DOP1B: variants seen among roughly 807,000 people sequenced by gnomAD.
The protein encoded by DOP1B is protein DOP1B.
Under a neutral mutation model 233.5 loss-of-function variants are expected in DOP1B, and 174 were observed. The observed-to-expected ratio is 0.75, with a 90% CI of 0.66 to 0.85. The LOEUF is 0.85. Among genes scored for constraint, DOP1B ranks in the 40% least tolerant of loss-of-function variants. The pLI, the probability that DOP1B is intolerant of heterozygous loss-of-function variation, is 0.00. For synonymous variants in DOP1B, 1,190 were observed against 1,185.6 expected (o/e 1.00, Z -0.08); for missense variants, 2,652 against 2,846.6 (o/e 0.93, Z 1.56).
intron 2 of DOP1B, among the ~76,000 whole-genome samples, chr21:36,176,121 T>TGTGTGTGTGTGTGTGTGTGTGTGG (rs962494737): frequency 2.6e-5 from 4 of 151,882 alleles, no homozygotes; most frequent in Admixed American, 1.3e-4. Context: ...TGTGTGTGTG[T>TGTGTGTGTGTGTGTGTGTGTGTGG]GGTGATACAG....
Position 36,246,338 on chromosome 21 carries a change from A to G in DOP1B, c.4358A>G (p.His1453Arg), listed in dbSNP as rs2066964588. The change falls in exon 19 of 37, where the codon CAC becomes CGC. Residue 1453 changes from histidine (H) to arginine (R), a missense_variant. His to Arg is a conservative substitution (Grantham distance 29). Transcript: ENST00000691173. The surrounding 1 kb of genome is among the most constrained non-coding windows in gnomAD (Gnocchi z 5.1). Reference sequence around the variant, plus strand: ...CTGCAGGTGCTGATTGTCTTGGAACACCACCTGGGTCGGGCCCATGAGGAG... The same window carrying G: ...CTGCAGGTGCTGATTGTCTTGGAACGCCACCTGGGTCGGGCCCATGAGGAG... Reference protein sequence around the residue: ...KLLQVLIVLEHHLGRAHEEAE... With the variant: ...KLLQVLIVLERHLGRAHEEAE... The G allele has an allele frequency of 1.2e-6, 2 of 1,613,674 alleles. No homozygotes were observed. Among genetic ancestry groups the G allele is most frequent in the East Asian group, 2.2e-5 (1 of 44,880 alleles).
At chr21:36,182,462 GCT>G (rs2066110927) in intron 2 of DOP1B, among the ~76,000 whole-genome samples, 1 of 152,138 alleles carries the variant, frequency 6.6e-6, no homozygotes, top group African/African-American at 2.4e-5. Context: ...CTGCAGGGTG[GCT>G]TCTGGAAAGG....
At chr21:36,253,480 G>A (rs1032764959) in intron 22 of DOP1B, among the ~76,000 whole-genome samples, 13 of 152,080 alleles carry the variant, frequency 8.5e-5, no homozygotes, top group African/African-American at 2.2e-4. Context: ...TTGGAAGACC[G>A]AGGCGGGCAG....
chr21:36,212,954 G>A (rs972121365), intron 7 of DOP1B, among the ~76,000 whole-genome samples: 15 of 152,158 alleles, frequency 9.9e-5, no homozygotes, highest in Admixed American at 7.9e-4. Context: ...GGTAATTTTT[G>A]TATTTTTAGT....
Position 36,178,687 on chromosome 21 carries a change from A to G in DOP1B, c.138+13816A>G, listed in dbSNP as rs550375563. ...GAACTAAGTTAAACTTGTATTTTTC[A>G]GAAAAAAAGCAACTGTTTGAACAGG... On this transcript the variant is annotated intron_variant, in intron 2 of 36. Transcript: ENST00000691173. 2.0e-5 allele frequency among the ~76,000 whole-genome samples: 3 copies of G among 152,342 alleles called. No homozygotes were observed. In the South Asian group the frequency reaches 6.2e-4, roughly 32 times the overall value.
intron 2 of DOP1B, among the ~76,000 whole-genome samples, chr21:36,166,280 CA>C (rs1375323009): frequency 1.1e-3 from 161 of 151,582 alleles, no homozygotes; most frequent in African/African-American, 3.6e-3. Flanking sequence ...ACTAAAAATA[CA>C]AAAAAATTAG....
At chr21:36,222,792 G>A (rs2066641155) in intron 10 of DOP1B, among the ~76,000 whole-genome samples, 1 of 151,806 alleles carries the variant, frequency 6.6e-6, no homozygotes, top group Non-Finnish European at 1.5e-5. Context: ...CTGGAGTGCA[G>A]TGGCTCAATC....
chr21:36,279,315 G>A (rs537815886), intron 30 of DOP1B, among the ~76,000 whole-genome samples: 17 of 152,122 alleles, frequency 1.1e-4, no homozygotes, highest in Non-Finnish European at 2.4e-4. Context: ...CTACATGGAA[G>A]CCTGAGGCAG....
intron 2 of DOP1B, among the ~76,000 whole-genome samples, chr21:36,178,037 G>A (rs777894534): frequency 7.9e-5 from 12 of 152,208 alleles, no homozygotes; most frequent in Non-Finnish European, 1.3e-4. Context: ...TGTGGAAGGT[G>A]CTGTGGACTG....
chr21:36,230,985 A>C lies in DOP1B; in HGVS notation c.2201A>C (p.Lys734Thr). ...AACGGGGGAGAATGGGATGTTGAGA[A>C]GGTGGTCATTGACCTGGGGGGTTCC... ...RKNGGEWDVEKVVIDLGGSRE... is the reference protein window; with the variant it reads ...RKNGGEWDVETVVIDLGGSRE... Residue 734 changes from lysine to threonine, a missense_variant, in exon 14 of 37, where the codon AAG (lysine) becomes ACG (threonine). Physicochemically the swap from Lys to Thr is moderately conservative, Grantham distance 78. This residue lies in a region of DOP1B where 2,617 missense variants were observed against 2,794.3 expected (regional missense o/e 0.94). Coordinates refer to ENST00000691173, the MANE Select transcript of DOP1B (RefSeq NM_001320714.2). The C allele has an allele frequency of 6.2e-7, 1 of 1,614,144 alleles. No individual in the cohort carries two copies.
rs552433058 is a variant in DOP1B at position 36,195,098 on chromosome 21, T to C, written c.139-3972T>C. On this transcript the variant is annotated intron_variant, in intron 2 of 36. Coordinates refer to ENST00000691173, the MANE Select transcript of DOP1B (RefSeq NM_001320714.2). ...GCTCATGCCTGTAATCCCAGCACTT[T>C]GGGAGGCCAAGGCAGGTAGATCACT... Among the ~76,000 whole-genome samples the C allele has an allele frequency of 7.2e-5, 11 of 152,246 alleles. No homozygotes were observed. In the East Asian group the frequency reaches 1.4e-3, roughly 19 times the overall value.
intron 27 of DOP1B, among the ~76,000 whole-genome samples, chr21:36,272,099 A>G (rs2067295422): frequency 6.6e-6 from 1 of 152,200 alleles, no homozygotes; most frequent in Non-Finnish European, 1.5e-5. Context: ...ATACAGGAAC[A>G]AGAAACTACA....
At position 36,246,609 on chromosome 21, in the gene DOP1B, C is replaced by G. The variant is rs964587917; in HGVS notation, c.4629C>G (p.Val1543=). Residue 1543 remains valine (V), a synonymous_variant, in exon 19 of 37, where the codon GTC becomes GTG. Transcript: ENST00000691173. This position sits in a 1 kb window ranked among gnomAD's most constrained non-coding sequence, Gnocchi z 5.1. The part of the protein sequence containing the change: ...SLGWTVTPFV[V]QICKNLDDLV... ...GCTGGACGGTGACACCCTTTGTTGT[C>G]CAGATTTGCAAAAACTTGGATGACT... 42 of 1,613,972 alleles carry G rather than the reference C, an allele frequency of 2.6e-5. No individual in the cohort carries two copies. The highest frequency in any genetic ancestry group is 3.4e-5 in the Non-Finnish European group (40 of 1,180,038).
intron 1 of DOP1B, among the ~76,000 whole-genome samples, chr21:36,158,791 G>A (rs1228492856): frequency 8.2e-6 from 1 of 122,446 alleles, no homozygotes; most frequent in Non-Finnish European, 1.7e-5. Flanking sequence ...GACAGAGCGA[G>A]ACTCTTGTCT....
At chr21:36,240,754 A>C (rs911599571) in intron 18 of DOP1B, among the ~76,000 whole-genome samples, 1 of 152,208 alleles carries the variant, frequency 6.6e-6, no homozygotes, top group Non-Finnish European at 1.5e-5. Flanking sequence ...TTAATATCTA[A>C]TGCATTTTAT....
chr21:36,284,284 T>TTTTTC (rs1414065235), intron 32 of DOP1B, among the ~76,000 whole-genome samples: 1 of 134,996 alleles, frequency 7.4e-6, no homozygotes. Context: ...TTTTTTTTTT[T>TTTTTC]TTTTGAGACG....
At chr21:36,263,961 T>C in intron 26 of DOP1B, 147 bp downstream of exon 26, 1 of 856,882 alleles carries the variant, frequency 1.2e-6, no homozygotes. Flanking sequence ...ACTTCTGCCA[T>C]CACTGTCTCT....
chr21:36,231,119 C>G lies in DOP1B; in HGVS notation c.2335C>G (p.Leu779Val), dbSNP rs2066760093. The change falls in exon 14 of 37, where the codon CTC becomes GTC. Residue 779 changes from leucine (L) to valine (V), a missense_variant. Physicochemically the swap from Leu to Val is conservative, Grantham distance 32 (BLOSUM62 1). Coordinates refer to ENST00000691173, the MANE Select transcript of DOP1B (RefSeq NM_001320714.2). ...AGAGACCGAGCAGCTCTGTGCAACG[C>G]TCTTCCAGCTGCCAGGTGAGAGGCA... is the stretch of plus-strand genomic sequence containing the variant. Reference protein sequence around the residue: ...EEETEQLCATLFQLPGAGDSS... With the variant: ...EEETEQLCATVFQLPGAGDSS... 1 of 1,583,276 alleles carries G rather than the reference C, an allele frequency of 6.3e-7. No individual in the cohort carries two copies. The highest frequency in any genetic ancestry group is 8.6e-7 in the Non-Finnish European group (1 of 1,161,080).
chr21:36,237,505 C>T, intron 16 of DOP1B, 91 bp downstream of exon 16: 1 of 1,503,026 alleles, frequency 6.7e-7, no homozygotes, highest in East Asian at 2.3e-5. Context: ...CGGTCGAAGT[C>T]TTTCTGGGGC....
Sources: gnomAD v4.1 joint callset for allele counts (sites outside exome capture counted in the v4.1 genomes callset) on GRCh38, gnomAD v4.1.1 for gene constraint, gnomAD v4.1.1 regional missense constraint, Gnocchi (gnomAD v3.1) non-coding constraint, MANE v1.5 for transcripts, NCBI Gene and HGNC (gene_info 2026-07-23, HGNC 2026-07-21) for gene names.